The following CLEC4D variants were observed in gnomAD, a reference collection of about 807,000 sequenced individuals.
CLEC4D encodes C-type (calcium dependent, carbohydrate-recognition domain) lectin, superfamily member 8.
A neutral mutation model predicts 21.1 loss-of-function variants in CLEC4D; 21 were observed. The observed-to-expected ratio is 1.00, with a 90% CI of 0.71 to 1.43. The LOEUF is 1.43. CLEC4D is among the 40% of genes most tolerant of loss of function. The probability of loss-of-function intolerance (pLI) is 0.00; values close to 1 mark genes in which losing one functional copy is unlikely to be tolerated. For missense variants in CLEC4D, 289 were observed against 260.7 expected (o/e 1.11, Z -0.75); for synonymous variants, 85 against 83.1 (o/e 1.02, Z -0.12).
chr12:8,530,052 A>G, the CLEC4D span, among the ~76,000 whole-genome samples: 1 of 152,244 alleles, frequency 6.6e-6, no homozygotes, highest in African/African-American at 2.4e-5. Flanking sequence ...ATATATGTAC[A>G]TAGTGTGCAA....
At chr12:8,531,276 A>G in the CLEC4D span, among the ~76,000 whole-genome samples, 1 of 152,132 alleles carries the variant, frequency 6.6e-6, no homozygotes, top group Non-Finnish European at 1.5e-5. Flanking sequence ...TCCCGCATAT[A>G]CATGCACACA....
In CLEC4D at chr12:8,521,651, A is replaced by G. The variant is rs1008358338; in HGVS notation, c.*380A>G. On this transcript the variant is annotated 3_prime_UTR_variant, in exon 6 of 6. Transcript: ENST00000299665. ...TTAGCTCTTAAAATTCAAAGATGGG[A>G]TATTCTAACTGGTAGTGGTGCATCA... The G allele has an allele frequency of 3.8e-5, 6 of 158,300 alleles. No homozygotes were observed. The highest frequency in any genetic ancestry group is 1.2e-4 in the African/African-American group (5 of 41,592). 9.8% of individuals were successfully genotyped at this position (158,300 alleles called of 1,614,324 possible).
At chr12:8,514,622 G>T (rs116573983) in intron 1 of CLEC4D, among the ~76,000 whole-genome samples, 1,550 of 152,180 alleles carry the variant, frequency 0.01, 31 homozygotes, top group African/African-American at 0.034. Context: ...AGTCCAGGCA[G>T]CAGCATTTAT....
intron 1 of CLEC4D, among the ~76,000 whole-genome samples, chr12:8,514,444 G>A (rs908826094): frequency 5.9e-5 from 9 of 151,978 alleles, no homozygotes; most frequent in Non-Finnish European, 1.2e-4. Flanking sequence ...TACAGTATGT[G>A]TTTTCTATTT....
chr12:8,520,113 T>C (rs1940438842), intron 4 of CLEC4D, 113 bp from the exon 5 acceptor site: 1 of 1,446,648 alleles, frequency 6.9e-7, no homozygotes, highest in Non-Finnish European at 9.2e-7. Context: ...ATCTATCTGA[T>C]GCCAGAGCTT....
chr12:8,523,604 T>C (rs954503677), downstream of CLEC4D, among the ~76,000 whole-genome samples: 18 of 152,132 alleles, frequency 1.2e-4, no homozygotes, highest in African/African-American at 3.9e-4. Flanking sequence ...TGGGCTGAGA[T>C]GATGGGGTTT....
chr12:8,518,290 T>C lies in CLEC4D; in HGVS notation c.232+16T>C, dbSNP rs1259139502. On this transcript the variant is annotated intron_variant, in intron 3 of 5. Coordinates refer to ENST00000299665, the MANE Select transcript of CLEC4D (RefSeq NM_080387.5). Reference sequence around the variant, plus strand: ...AGTGCTGAAGGTACAGAGTGTAAGATAATTTCTTTTTTAATTTCCATTTTC... The same window carrying C: ...AGTGCTGAAGGTACAGAGTGTAAGACAATTTCTTTTTTAATTTCCATTTTC... 25 of 926,448 alleles carry C rather than the reference T, an allele frequency of 2.7e-5. No homozygotes were observed. The Admixed American group carries it at 3.8e-4, about 14-fold the overall frequency. The allele number at this position is 926,448 out of a possible 1,614,324, so 57.4% of individuals were successfully genotyped here. A position where few individuals can be genotyped will look rare whatever the true frequency, so the allele number is the denominator to read the frequency against.
At chr12:8,527,263 G>T (rs1940513979), downstream of CLEC4D, among the ~76,000 whole-genome samples, 1 of 152,174 alleles carries the variant, frequency 6.6e-6, no homozygotes, top group South Asian at 2.1e-4. Flanking sequence ...CACTCATCTG[G>T]GCTGCCCGGA....
intron 2 of CLEC4D, among the ~76,000 whole-genome samples, chr12:8,516,123 G>A (rs1432764387): frequency 2.0e-5 from 3 of 152,094 alleles, no homozygotes; most frequent in Non-Finnish European, 1.5e-5. Flanking sequence ...AACAAATCTA[G>A]AGCAGATTAT....
Position 8,521,389 on chromosome 12 carries a change from T to C in CLEC4D, c.*118T>C. The C allele has an allele frequency of 6.9e-7, 1 of 1,458,214 alleles. No homozygotes were observed. The highest frequency in any genetic ancestry group is 1.5e-5 in the South Asian group (1 of 67,614). 90.3% of individuals were successfully genotyped at this position (1,458,214 alleles called of 1,614,324 possible). A position where few individuals can be genotyped will look rare whatever the true frequency, so the allele number is the denominator to read the frequency against. ...ATGCTGGTTCATACAGCGTTTTTAGTCATAATGGTCTTTTTTATTTTGTTT... is the reference window on the plus strand; with the variant it reads ...ATGCTGGTTCATACAGCGTTTTTAGCCATAATGGTCTTTTTTATTTTGTTT... On this transcript the variant is annotated 3_prime_UTR_variant, in exon 6 of 6. Coordinates refer to ENST00000299665, the MANE Select transcript of CLEC4D (RefSeq NM_080387.5).
At chr12:8,528,015 G>A in the CLEC4D span, among the ~76,000 whole-genome samples, 7 of 152,142 alleles carry the variant, frequency 4.6e-5, no homozygotes, top group Non-Finnish European at 8.8e-5. Flanking sequence ...GGTCACACCA[G>A]CCTTCCAGTC....
intron 2 of CLEC4D, 109 bp downstream of exon 2, chr12:8,515,437 C>T: frequency 3.0e-6 from 2 of 670,482 alleles, no homozygotes; most frequent in Middle Eastern, 3.2e-4. Flanking sequence ...CATAACCTAT[C>T]TATAATATCT....
chr12:8,513,714 A>G lies in CLEC4D; in HGVS notation c.-19A>G. On this transcript the variant is annotated 5_prime_UTR_variant, in exon 1 of 6. Transcript: ENST00000299665. ...AAATTCTTGCCGTCCTGACCATTGA[A>G]CAAGAGACTAATTAGACAATGGGGC... is the stretch of plus-strand genomic sequence containing the variant. 9.5e-7 allele frequency: 1 copy of G among 1,053,610 alleles called. No individual in the cohort carries two copies. Among genetic ancestry groups the G allele is most frequent in the Non-Finnish European group, 1.5e-6 (1 of 669,366 alleles). 65.3% of individuals were successfully genotyped at this position (1,053,610 alleles called of 1,614,324 possible). A position where few individuals can be genotyped will look rare whatever the true frequency, so the allele number is the denominator to read the frequency against.
chr12:8,521,263 T>G lies in CLEC4D; in HGVS notation c.640T>G (p.Leu214Val). Residue 214 changes from leucine to valine, a missense_variant, in exon 6 of 6, where the codon TTG becomes GTG. Coordinates refer to ENST00000299665, the MANE Select transcript of CLEC4D (RefSeq NM_080387.5). ...SRICKIPGTT[L>V]N is the part of the protein sequence containing the mutation. The stretch of plus-strand genomic sequence containing the variant: ...GATTTGTAAAATACCTGGAACAACA[T>G]TGAACTAGAAACTCAGAAAGTGGTC... The G allele has an allele frequency of 6.2e-7, 1 of 1,609,106 alleles. No homozygotes were observed. The highest frequency in any genetic ancestry group is 8.5e-7 in the Non-Finnish European group (1 of 1,178,050).
At chr12:8,518,053 T>C (rs952043252) in intron 2 of CLEC4D, 111 bp from the exon 3 acceptor site, 3 of 547,884 alleles carry the variant, frequency 5.5e-6, no homozygotes, top group African/African-American at 3.8e-5. Context: ...GAAAAGAGAA[T>C]ATGAGGGCCT....
chr12:8,520,484 TC>T, intron 5 of CLEC4D, 143 bp downstream of exon 5: 1 of 1,347,430 alleles, frequency 7.4e-7, no homozygotes, highest in East Asian at 2.6e-5. Flanking sequence ...ATATGCTATG[TC>T]CCAGTTCCAG....
Position 8,513,512 on chromosome 12 carries a change from C to A in CLEC4D, c.-221C>A. The A allele has an allele frequency of 3.0e-6, 1 of 330,832 alleles. No homozygotes were observed. The allele number at this position is 330,832 out of a possible 1,614,324, so 20.5% of individuals were successfully genotyped here. A position where few individuals can be genotyped will look rare whatever the true frequency, so the allele number is the denominator to read the frequency against. ...TTTTTTTTTTTTTTTCGCCTCATCT[C>A]CCGGAATGTATCAAAGGAAACCCCT... On this transcript the variant is annotated 5_prime_UTR_variant, in exon 1 of 6. Transcript: ENST00000299665.
At chr12:8,524,013 G>A (rs148848160), downstream of CLEC4D, among the ~76,000 whole-genome samples, 312 of 152,234 alleles carry the variant, frequency 2.0e-3, no homozygotes, top group African/African-American at 7.1e-3. Flanking sequence ...ATTGATTTGC[G>A]TATGTTGAAC....
the CLEC4D span, among the ~76,000 whole-genome samples, chr12:8,528,719 G>A: frequency 7.2e-5 from 11 of 152,006 alleles, no homozygotes; most frequent in Non-Finnish European, 1.2e-4. Flanking sequence ...ATTAGTAAAC[G>A]TAGAAGATAA....
Sources: gnomAD v4.1 joint callset for allele counts (sites outside exome capture counted in the v4.1 genomes callset) on GRCh38, gnomAD v4.1.1 for gene constraint, MANE v1.5 for transcripts, NCBI Gene and HGNC (gene_info 2026-07-23, HGNC 2026-07-21) for gene names.